The following MRRF variants were observed in gnomAD, a reference collection of about 807,000 sequenced individuals.
The protein encoded by MRRF is mitochondrial ribosome recycling factor, also known as ribosome-recycling factor, mitochondrial.
MRRF carries 18 observed loss-of-function variants against 25.1 expected under a neutral mutation model. The ratio of observed to expected loss-of-function variants is 0.72; its 90% CI spans 0.50 to 1.06. The LOEUF is 1.06. Ranked by LOEUF, MRRF falls within the 50% of genes least tolerant of loss-of-function variation. MRRF has a pLI of 0.00. For synonymous variants in MRRF, 113 were observed against 112.1 expected, an observed-to-expected ratio of 1.01 and a Z score of -0.05; for missense variants, 323 against 319.3, an observed-to-expected ratio of 1.01 and a Z score of -0.09.
intron 5 of MRRF, among the ~76,000 whole-genome samples, chr9:122,299,716 T>TA (rs1834324044): frequency 6.6e-6 from 1 of 151,822 alleles, no homozygotes; most frequent in Non-Finnish European, 1.5e-5. Flanking sequence ...GCCAGTGAGG[T>TA]AGGAGGAGAA....
At position 122,313,389 on chromosome 9, in the gene MRRF, A is replaced by G; in HGVS notation, c.711+3A>G. ...CCATTAGGCTAATAGAGAAACAGGT[A>G]CTATTGCCAGCAATGTAGTAGTGTC... On this transcript the variant is annotated splice_donor_region_variant and intron_variant, in intron 6 of 6. Transcript: ENST00000344641. 1 of 1,613,850 alleles carries G rather than the reference A, an allele frequency of 6.2e-7. No homozygotes were observed. The highest frequency in any genetic ancestry group is 8.5e-7 in the Non-Finnish European group (1 of 1,179,720).
chr9:122,273,072 A>C (rs1832559527), intron 2 of MRRF, among the ~76,000 whole-genome samples: 1 of 152,096 alleles, frequency 6.6e-6, no homozygotes. Context: ...CTTTCCCCTC[A>C]CCACACATAT....
At chr9:122,283,217 C>G (rs572783268) in intron 3 of MRRF, among the ~76,000 whole-genome samples, 148 of 151,930 alleles carry the variant, frequency 9.7e-4, no homozygotes, top group Admixed American at 3.3e-3. Flanking sequence ...CCTCAGCCTC[C>G]CAACTAGCTG....
At position 122,324,973 on chromosome 9, in the gene MRRF, G is replaced by A. The variant is rs1347594443; in HGVS notation, c.*2356G>A. ...AATTAAGGAGCCTCTTTTGGGGTAA[G>A]CCACATGACAGGGGCTTTGCAACAG... is the stretch of plus-strand genomic sequence containing the variant. On this transcript the variant is annotated 3_prime_UTR_variant, in exon 7 of 7. Transcript: ENST00000344641. 1 of 152,238 alleles carries A rather than the reference G, an allele frequency of 6.6e-6. No individual in the cohort carries two copies. Among genetic ancestry groups the A allele is most frequent in the Non-Finnish European group, 1.5e-5 (1 of 68,046 alleles). The allele number at this position is 152,238 out of a possible 1,614,324, so 9.4% of individuals were successfully genotyped here. A position where few individuals can be genotyped will look rare whatever the true frequency, so the allele number is the denominator to read the frequency against.
At chr9:122,291,423 C>G (rs1187986611) in intron 4 of MRRF, among the ~76,000 whole-genome samples, 2 of 152,206 alleles carry the variant, frequency 1.3e-5, no homozygotes, top group Non-Finnish European at 2.9e-5. Flanking sequence ...TTTGCAGAGA[C>G]CAGCCCCCCT....
intron 5 of MRRF, among the ~76,000 whole-genome samples, chr9:122,297,585 G>A (rs1466622457): frequency 6.6e-6 from 1 of 152,086 alleles, no homozygotes; most frequent in African/African-American, 2.4e-5. Context: ...GTTCCCAAGT[G>A]TCAAGTATCT....
At chr9:122,287,248 T>G (rs1564486382) in intron 4 of MRRF, among the ~76,000 whole-genome samples, 1 of 152,234 alleles carries the variant, frequency 6.6e-6, no homozygotes, top group African/African-American at 2.4e-5. Context: ...AAGCTTGGAA[T>G]GTAGGAATGT....
rs147320892 is a variant in MRRF at position 122,265,441 on chromosome 9, A to G, written c.-29+503A>G. Reference sequence around the variant, plus strand: ...CATTTACTTAACCCTGACAAATAGTATTGTCATTTACGTTTTACAGATGAG... The same window carrying G: ...CATTTACTTAACCCTGACAAATAGTGTTGTCATTTACGTTTTACAGATGAG... On this transcript the variant is annotated intron_variant, in intron 1 of 6. Transcript: ENST00000344641. The G allele has an allele frequency of 9.2e-4, 286 of 311,392 alleles. 1 individual carries two copies. Among genetic ancestry groups the G allele is most frequent in the African/African-American group, 5.3e-3 (241 of 45,774 alleles). The allele number at this position is 311,392 out of a possible 1,614,324, so 19.3% of individuals were successfully genotyped here.
chr9:122,265,957 A>G (rs576045286), intron 1 of MRRF, among the ~76,000 whole-genome samples: 11 of 152,366 alleles, frequency 7.2e-5, no homozygotes, highest in African/African-American at 2.2e-4. Flanking sequence ...ATCATCTACT[A>G]TCTCTAAGCA....
At chr9:122,315,047 A>G (rs995090286) in intron 6 of MRRF, among the ~76,000 whole-genome samples, 1 of 151,976 alleles carries the variant, frequency 6.6e-6, no homozygotes, top group African/African-American at 2.4e-5. Context: ...TGCTAGTTTT[A>G]CTAGCATTTT....
rs543751062 is a variant in MRRF, at chr9:122,326,435, G to T, written c.*3818G>T. On this transcript the variant is annotated 3_prime_UTR_variant, in exon 7 of 7. Transcript: ENST00000344641. ...CATATAATTTTTTAGAAGGAGAGAG[G>T]GGAACTATTCATATTCTGATGTTTG... 3.3e-5 allele frequency: 5 copies of T among 151,866 alleles called. No individual in the cohort carries two copies. Among genetic ancestry groups the T allele is most frequent in the Admixed American group, 3.3e-4 (5 of 15,260 alleles). The allele number at this position is 151,866 out of a possible 1,614,324, so 9.4% of individuals were successfully genotyped here. A position where few individuals can be genotyped will look rare whatever the true frequency, so the allele number is the denominator to read the frequency against.
At chr9:122,294,226 T>C (rs541211851) in intron 5 of MRRF, among the ~76,000 whole-genome samples, 3 of 152,234 alleles carry the variant, frequency 2.0e-5, no homozygotes, top group Non-Finnish European at 4.4e-5. Context: ...TTTGTGCTAC[T>C]AAATGCTCAT....
At chr9:122,277,839 A>G (rs940873485) in intron 2 of MRRF, among the ~76,000 whole-genome samples, 3 of 152,184 alleles carry the variant, frequency 2.0e-5, no homozygotes, top group African/African-American at 7.2e-5. Context: ...GGCATGAGCC[A>G]CCACGCCTGG....
chr9:122,302,250 A>C (rs1834518755), intron 5 of MRRF, among the ~76,000 whole-genome samples: 1 of 152,204 alleles, frequency 6.6e-6, no homozygotes, highest in Non-Finnish European at 1.5e-5. Context: ...CTGTATAGTC[A>C]TAGAGGTGTG....
At chr9:122,289,597 G>A (rs981923387) in intron 4 of MRRF, among the ~76,000 whole-genome samples, 1 of 140,586 alleles carries the variant, frequency 7.1e-6, no homozygotes, top group South Asian at 2.3e-4. Context: ...TTTAGAATCT[G>A]TTTTTTTTTT....
chr9:122,284,794 T>C (rs1444749226), intron 3 of MRRF, among the ~76,000 whole-genome samples: 1 of 152,162 alleles, frequency 6.6e-6, no homozygotes, highest in Non-Finnish European at 1.5e-5. Context: ...TGAATTATTA[T>C]TATTATTTTG....
chr9:122,320,730 A>G (rs1382163346), intron 6 of MRRF, among the ~76,000 whole-genome samples: 6 of 152,188 alleles, frequency 3.9e-5, no homozygotes, highest in Non-Finnish European at 5.9e-5. Flanking sequence ...CCTGGGACCA[A>G]TTGCACTAAA....
intron 5 of MRRF, among the ~76,000 whole-genome samples, chr9:122,295,426 A>G (rs1476345921): frequency 6.6e-6 from 1 of 151,658 alleles, no homozygotes; most frequent in Non-Finnish European, 1.5e-5. Flanking sequence ...AATAGGAAGC[A>G]TACATTCTTA....
chr9:122,270,732 A>G, intron 1 of MRRF, 132 bp from the exon 2 acceptor site: 1 of 715,152 alleles, frequency 1.4e-6, no homozygotes, highest in Non-Finnish European at 2.5e-6. Context: ...GATTAGAGAT[A>G]ATGTATTTAA....
Sources: allele counts gnomAD v4.1 joint callset (sites outside exome capture counted in the v4.1 genomes callset), GRCh38; gene constraint gnomAD v4.1.1; transcripts MANE v1.5; gene names NCBI Gene and HGNC (gene_info 2026-07-23, HGNC 2026-07-21).